DOP1B: variants seen among roughly 807,000 people sequenced by gnomAD.
DOP1B encodes the protein DOP1 leucine zipper like protein B.
Under a neutral mutation model 233.5 loss-of-function variants are expected in DOP1B, and 174 were observed. That is an observed-to-expected ratio of 0.75 (90% CI 0.66 to 0.85). The LOEUF is 0.85. DOP1B is among the 40% of genes least tolerant of loss of function. The pLI, the probability that DOP1B is intolerant of heterozygous loss-of-function variation, is 0.00. For missense variants in DOP1B, 2,652 were observed against 2,846.6 expected, an observed-to-expected ratio of 0.93 and a Z score of 1.56; for synonymous variants, 1,190 against 1,185.6, an observed-to-expected ratio of 1.00 and a Z score of -0.08.
chr21:36,278,197 A>T lies in DOP1B; in HGVS notation c.5823-12A>T. On this transcript the variant is annotated splice_polypyrimidine_tract_variant and intron_variant, in intron 29 of 36. Transcript: ENST00000691173. ...TTGACCTTGACCCTTCTCTCTTCCCACTCCCACTCAGTGCCTACAATGCTC... is the reference window on the plus strand; with the variant it reads ...TTGACCTTGACCCTTCTCTCTTCCCTCTCCCACTCAGTGCCTACAATGCTC... 1 of 1,612,656 alleles carries T rather than the reference A, an allele frequency of 6.2e-7. No homozygotes were observed. Among genetic ancestry groups the T allele is most frequent in the Non-Finnish European group, 8.5e-7 (1 of 1,179,418 alleles).
chr21:36,244,153 C>T (rs536101392), intron 18 of DOP1B, among the ~76,000 whole-genome samples: 3 of 150,056 alleles, frequency 2.0e-5, no homozygotes, highest in East Asian at 2.1e-4. Flanking sequence ...CAGTCTCCCA[C>T]GCTGGGACTA....
At chr21:36,157,887 C>T (rs764844226) in intron 1 of DOP1B, among the ~76,000 whole-genome samples, 27 of 152,108 alleles carry the variant, frequency 1.8e-4, no homozygotes, top group Admixed American at 1.1e-3. Context: ...TTCATATAGA[C>T]ATATTTACAG....
chr21:36,234,822 C>T (rs2066808025), intron 15 of DOP1B, among the ~76,000 whole-genome samples: 1 of 152,118 alleles, frequency 6.6e-6, no homozygotes, highest in Admixed American at 6.6e-5. Context: ...CAGGCGTGAG[C>T]CACCGCACCC....
intron 15 of DOP1B, among the ~76,000 whole-genome samples, chr21:36,234,101 G>T (rs2066798598): frequency 6.6e-6 from 1 of 152,034 alleles, no homozygotes; most frequent in South Asian, 2.1e-4. Context: ...AGTTTGGGAG[G>T]CCCGCCTCAG....
At chr21:36,268,011 A>T (rs2156415) in intron 26 of DOP1B, among the ~76,000 whole-genome samples, 2 of 152,134 alleles carry the variant, frequency 1.3e-5, no homozygotes, top group Non-Finnish European at 2.9e-5. Flanking sequence ...ATAAGGGTCT[A>T]TGTTCAGCGG....
Position 36,251,044 on chromosome 21 carries a change from T to C in DOP1B, c.4999-118T>C, listed in dbSNP as rs770862422. 1.9e-4 allele frequency: 269 copies of C among 1,387,354 alleles called. 2 individuals are homozygous for C. Among genetic ancestry groups the C allele is most frequent in the Non-Finnish European group, 2.5e-4 (260 of 1,037,778 alleles). 85.9% of individuals were successfully genotyped at this position (1,387,354 alleles called of 1,614,324 possible). ...ATCAGGGAAGCACCTCAGCACAACA[T>C]TGGGCACAAACATGACAGGGTCCTT... On this transcript the variant is annotated intron_variant, in intron 21 of 36. Transcript: ENST00000691173.
chr21:36,272,214 G>A (rs2067296700), intron 27 of DOP1B, among the ~76,000 whole-genome samples: 1 of 152,184 alleles, frequency 6.6e-6, no homozygotes, highest in Non-Finnish European at 1.5e-5. Flanking sequence ...AGGGCTGGGT[G>A]TAGTGGCTCC....
At chr21:36,254,982 C>T (rs2067076269) in intron 23 of DOP1B, among the ~76,000 whole-genome samples, 2 of 144,630 alleles carry the variant, frequency 1.4e-5, no homozygotes, top group Admixed American at 1.4e-4. Flanking sequence ...CACAGTTTCA[C>T]TCTGTCACCC....
chr21:36,214,885 T>C (rs2066542300), intron 9 of DOP1B, among the ~76,000 whole-genome samples: 1 of 151,896 alleles, frequency 6.6e-6, no homozygotes, highest in Non-Finnish European at 1.5e-5. Context: ...TATAAAAAAA[T>C]ACAAAAAAAT....
At chr21:36,184,743 C>T (rs911332870) in intron 2 of DOP1B, among the ~76,000 whole-genome samples, 1 of 152,186 alleles carries the variant, frequency 6.6e-6, no homozygotes, top group Non-Finnish European at 1.5e-5. Flanking sequence ...CAGCAGGCAG[C>T]CCACGTGCGC....
chr21:36,222,436 G>A (rs2066636485), intron 10 of DOP1B, among the ~76,000 whole-genome samples: 1 of 151,484 alleles, frequency 6.6e-6, no homozygotes, highest in Non-Finnish European at 1.5e-5. Flanking sequence ...ACAAAACTTA[G>A]CTGGGCGTGG....
intron 2 of DOP1B, among the ~76,000 whole-genome samples, chr21:36,177,044 C>T (rs1304425355): frequency 6.6e-6 from 1 of 152,126 alleles, no homozygotes; most frequent in Non-Finnish European, 1.5e-5. Context: ...AACTCCTGAC[C>T]TCAGGTGATC....
At chr21:36,204,813 C>T (rs577707589) in intron 4 of DOP1B, among the ~76,000 whole-genome samples, 1 of 152,140 alleles carries the variant, frequency 6.6e-6, no homozygotes, top group East Asian at 1.9e-4. Context: ...CACCATGACA[C>T]CTGGCTAATT....
rs535902103 is a variant in DOP1B at position 36,225,599 on chromosome 21, G to A, written c.1405G>A (p.Val469Ile). The change falls in exon 12 of 37, where the codon GTC becomes ATC. Residue 469 changes from valine to isoleucine, a missense_variant. Physicochemically the swap from Val to Ile is conservative, Grantham distance 29. Around this residue, in one of 3 missense-constraint regions of DOP1B, gnomAD observed 2,617 missense variants for 2,794.3 expected, o/e 0.94. Transcript: ENST00000691173. ...GCAGCGTTACAGCGTGAGGAACAGCGTCAGCCCTCCCCCCACGGTCTCGGA... is the reference window on the plus strand; with the variant it reads ...GCAGCGTTACAGCGTGAGGAACAGCATCAGCCCTCCCCCCACGGTCTCGGA... Reference protein sequence around the residue: ...VKQRYSVRNSVSPPPTVSELC... With the variant: ...VKQRYSVRNSISPPPTVSELC... 1.1e-5 allele frequency: 17 copies of A among 1,614,122 alleles called. No homozygotes were observed. Among genetic ancestry groups the A allele is most frequent in the East Asian group, 2.2e-5 (1 of 44,880 alleles).
intron 4 of DOP1B, among the ~76,000 whole-genome samples, chr21:36,207,242 T>C (rs1230131932): frequency 6.6e-6 from 1 of 151,608 alleles, no homozygotes; most frequent in Non-Finnish European, 1.5e-5. Flanking sequence ...TGGAGTGCAG[T>C]GACGGCCTCT....
At chr21:36,247,734 A>C in intron 20 of DOP1B, 106 bp downstream of exon 20, 1 of 768,670 alleles carries the variant, frequency 1.3e-6, no homozygotes, top group Non-Finnish European at 2.1e-6. Flanking sequence ...GTCTGTAACT[A>C]ATATGCGTAT....
intron 2 of DOP1B, among the ~76,000 whole-genome samples, chr21:36,197,189 C>G (rs1211633034): frequency 6.6e-6 from 1 of 152,144 alleles, no homozygotes; most frequent in African/African-American, 2.4e-5. Flanking sequence ...ACCTCTGCCT[C>G]CCAAAGTGCC....
intron 18 of DOP1B, among the ~76,000 whole-genome samples, chr21:36,240,630 C>T (rs1378328075): frequency 6.6e-6 from 1 of 152,136 alleles, no homozygotes. Context: ...ATAAACCTTT[C>T]AGTTCAGAGA....
intron 2 of DOP1B, among the ~76,000 whole-genome samples, chr21:36,177,573 G>T (rs892427860): frequency 6.6e-6 from 1 of 152,132 alleles, no homozygotes; most frequent in African/African-American, 2.4e-5. Flanking sequence ...GGTTGGGGGG[G>T]CCTTTAAAAG....
Sources: gnomAD v4.1 joint callset for allele counts (sites outside exome capture counted in the v4.1 genomes callset) on GRCh38, gnomAD v4.1.1 for gene constraint, gnomAD v4.1.1 regional missense constraint, MANE v1.5 for transcripts, NCBI Gene and HGNC (gene_info 2026-07-23, HGNC 2026-07-21) for gene names.